Variants in CUX2 observed in about 807,000 individuals in gnomAD.
The protein encoded by CUX2 is homeobox protein cut-like 2.
A neutral mutation model predicts 144.8 loss-of-function variants in CUX2; 40 were observed. That is an observed-to-expected ratio of 0.28 (90% CI 0.21 to 0.36). The LOEUF (loss-of-function observed/expected upper bound fraction) is 0.36. CUX2 is among the 10% of genes least tolerant of loss of function. The probability of loss-of-function intolerance (pLI) is 1.00; values close to 1 mark genes in which losing one functional copy is unlikely to be tolerated. For missense variants in CUX2, 1,615 were observed against 1,994.0 expected (o/e 0.81, Z 3.62); for synonymous variants, 827 against 875.6 (o/e 0.94, Z 0.98).
intron 1 of CUX2, among the ~76,000 whole-genome samples, chr12:111,196,915 T>G (rs1880274559): frequency 6.6e-6 from 1 of 152,166 alleles, no homozygotes; most frequent in African/African-American, 2.4e-5. Context: ...TTCAAACCTT[T>G]TAATCATACA....
At chr12:111,224,516 C>CT (rs34109440) in intron 3 of CUX2, among the ~76,000 whole-genome samples, 5,769 of 77,092 alleles carry the variant, frequency 0.075, 259 homozygotes, top group African/African-American at 0.1. Flanking sequence ...AATTACAGGG[C>CT]TTTTTTTTTT....
At chr12:111,294,852 C>T (rs1349181617) in intron 6 of CUX2, among the ~76,000 whole-genome samples, 1 of 150,718 alleles carries the variant, frequency 6.6e-6, no homozygotes, top group Non-Finnish European at 1.5e-5. Context: ...GAGCCGAGTT[C>T]GGGTCACTGC....
Position 111,263,899 on chromosome 12 carries a change from T to G in CUX2, c.301+60T>G. ...AACGACAATAAATAGCCATTAGGACTGTGACACAGGGACTTTGAGGTGGGA... is the reference window on the plus strand; with the variant it reads ...AACGACAATAAATAGCCATTAGGACGGTGACACAGGGACTTTGAGGTGGGA... On this transcript the variant is annotated intron_variant, in intron 4 of 21. Transcript: ENST00000261726. This position sits in a 1 kb window ranked among gnomAD's most constrained non-coding sequence, Gnocchi z 4.0. 1 of 1,483,272 alleles carries G rather than the reference T, an allele frequency of 6.7e-7. No individual in the cohort carries two copies. Among genetic ancestry groups the G allele is most frequent in the Admixed American group, 1.7e-5 (1 of 59,690 alleles). The allele number at this position is 1,483,272 out of a possible 1,614,324, so 91.9% of individuals were successfully genotyped here. A position where few individuals can be genotyped will look rare whatever the true frequency, so the allele number is the denominator to read the frequency against.
At chr12:111,172,113 TTG>T (rs375790231) in intron 1 of CUX2, among the ~76,000 whole-genome samples, 65 of 149,750 alleles carry the variant, frequency 4.3e-4, no homozygotes, top group African/African-American at 1.6e-3. Context: ...GTGCATATGC[TTG>T]TGTGTGTGTG....
At chr12:111,048,203 A>C (rs1036591099) in intron 1 of CUX2, among the ~76,000 whole-genome samples, 1 of 152,220 alleles carries the variant, frequency 6.6e-6, no homozygotes, top group African/African-American at 2.4e-5. Context: ...AACGAGATCC[A>C]ATTTATGTTT....
intron 7 of CUX2, among the ~76,000 whole-genome samples, chr12:111,296,076 G>A (rs1885970901): frequency 6.6e-6 from 1 of 152,146 alleles, no homozygotes; most frequent in South Asian, 2.1e-4. Context: ...ACCTCGGGGT[G>A]GTTGAACACC....
intron 1 of CUX2, among the ~76,000 whole-genome samples, chr12:111,066,515 CCTGGG>C (rs1871026175): frequency 6.6e-6 from 1 of 152,182 alleles, no homozygotes; most frequent in Non-Finnish European, 1.5e-5. Context: ...CTGAACAAAT[CCTGGG>C]AGTCTCTCTA....
chr12:111,248,775 G>T lies in CUX2; in HGVS notation c.223-14986G>T, dbSNP rs907579813. 2.0e-5 allele frequency among the ~76,000 whole-genome samples: 3 copies of T among 152,320 alleles called. No homozygotes were observed. The East Asian group carries it at 5.8e-4, about 29-fold the overall frequency. ...CACCCAGCTCCAGGTGGCCGCTGTCGATGGAAACATGGGCCCAGGGTGGCC... is the reference window on the plus strand; with the variant it reads ...CACCCAGCTCCAGGTGGCCGCTGTCTATGGAAACATGGGCCCAGGGTGGCC... On this transcript the variant is annotated intron_variant, in intron 3 of 21. Coordinates refer to ENST00000261726, the MANE Select transcript of CUX2 (RefSeq NM_015267.4).
intron 1 of CUX2, among the ~76,000 whole-genome samples, chr12:111,204,691 C>G (rs1357419825): frequency 6.6e-6 from 1 of 152,182 alleles, no homozygotes. Flanking sequence ...CCTTCATTGG[C>G]TCCCTCAACA....
rs752946569 is a variant in CUX2, at chr12:111,310,171, G to T, written c.1389G>T (p.Leu463=). ...DPLSPSPGQP[L]LGPSLGPDGT... ...TGTCTCCCAGCCCCGGGCAGCCCCT[G>T]CTGGGCCCCAGCTTGGGGCCTGACG... The change falls in exon 15 of 22, where the codon CTG becomes CTT. Residue 463 remains leucine, a synonymous_variant. Transcript: ENST00000261726. This position sits in a 1 kb window ranked among gnomAD's most constrained non-coding sequence, Gnocchi z 7.9. 2 of 1,554,866 alleles carry T rather than the reference G, an allele frequency of 1.3e-6. No homozygotes were observed. Among genetic ancestry groups the T allele is most frequent in the Admixed American group, 4.0e-5 (2 of 49,408 alleles).
chr12:111,297,071 C>T (rs1488701830), intron 8 of CUX2, among the ~76,000 whole-genome samples: 1 of 150,746 alleles, frequency 6.6e-6, no homozygotes, highest in Non-Finnish European at 1.5e-5. Flanking sequence ...CAGGCCTCCT[C>T]TCTCTGACCC....
At chr12:111,119,692 T>G (rs1467705719) in intron 1 of CUX2, among the ~76,000 whole-genome samples, 1 of 152,222 alleles carries the variant, frequency 6.6e-6, no homozygotes, top group Non-Finnish European at 1.5e-5. Flanking sequence ...GCCCGACCTT[T>G]GGGTCTCATG....
At chr12:111,052,319 A>T (rs1263869818) in intron 1 of CUX2, among the ~76,000 whole-genome samples, 2 of 152,104 alleles carry the variant, frequency 1.3e-5, no homozygotes, top group Admixed American at 6.5e-5. Flanking sequence ...TGGGTTACTG[A>T]TGAACACCGG....
intron 1 of CUX2, among the ~76,000 whole-genome samples, chr12:111,094,605 C>T (rs1872716824): frequency 6.6e-6 from 1 of 152,184 alleles, no homozygotes; most frequent in African/African-American, 2.4e-5. Context: ...TCAAGGCATC[C>T]TCCCACCTCA....
intron 1 of CUX2, among the ~76,000 whole-genome samples, chr12:111,135,099 A>G (rs936637039): frequency 6.6e-6 from 1 of 152,142 alleles, no homozygotes. Flanking sequence ...TTCAATGGCG[A>G]GACAGAAAAG....
intron 4 of CUX2, among the ~76,000 whole-genome samples, chr12:111,276,723 G>A (rs765594567): frequency 2.0e-5 from 3 of 152,180 alleles, no homozygotes; most frequent in East Asian, 1.9e-4. Context: ...GCACCATCTC[G>A]GCTCACTGCA....
intron 9 of CUX2, among the ~76,000 whole-genome samples, chr12:111,300,105 A>G (rs569973368): frequency 1.3e-5 from 2 of 152,110 alleles, no homozygotes; most frequent in Admixed American, 6.5e-5. Flanking sequence ...CCCAGAATAT[A>G]TCTATTTTAA....
intron 3 of CUX2, among the ~76,000 whole-genome samples, chr12:111,245,497 C>G (rs965960735): frequency 1.3e-5 from 2 of 151,764 alleles, no homozygotes; most frequent in Non-Finnish European, 2.9e-5. Flanking sequence ...TGGCACACCC[C>G]TGTGTTCCCA....
At chr12:111,206,323 C>T (rs1024218097) in intron 1 of CUX2, among the ~76,000 whole-genome samples, 3 of 152,188 alleles carry the variant, frequency 2.0e-5, no homozygotes, top group Non-Finnish European at 2.9e-5. Flanking sequence ...CAAAGCAAAA[C>T]CCTGTCTAAG....
Sources: gnomAD v4.1 joint callset for allele counts (sites outside exome capture counted in the v4.1 genomes callset) on GRCh38, gnomAD v4.1.1 for gene constraint, Gnocchi (gnomAD v3.1) non-coding constraint, MANE v1.5 for transcripts, NCBI Gene and HGNC (gene_info 2026-07-23, HGNC 2026-07-21) for gene names.